Variants in MIA2 observed in about 807,000 individuals in gnomAD.
The protein encoded by MIA2 is melanoma inhibitory activity protein 2.
MIA2 carries 127 observed loss-of-function variants against 167.8 expected under a neutral mutation model. The ratio of observed to expected loss-of-function variants is 0.76; its 90% CI spans 0.66 to 0.88. The LOEUF (loss-of-function observed/expected upper bound fraction) is 0.88, where lower values mean the gene tolerates loss of function less well. Ranked by LOEUF, MIA2 falls within the 40% of genes least tolerant of loss-of-function variation. The pLI is 0.00. For missense variants in MIA2, 1,690 were observed against 1,624.7 expected, an observed-to-expected ratio of 1.04 and a Z score of -0.69; for synonymous variants, 552 against 541.9, an observed-to-expected ratio of 1.02 and a Z score of -0.26.
intron 3 of MIA2, among the ~76,000 whole-genome samples, chr14:39,245,068 G>A (rs1253748728): frequency 2.3e-5 from 2 of 87,494 alleles, no homozygotes; most frequent in South Asian, 3.4e-4. Context: ...ATGGGCCGCC[G>A]CACCTAGCTA....
chr14:39,252,076 T>A (rs200488674), intron 4 of MIA2, among the ~76,000 whole-genome samples: 10,674 of 41,982 alleles, frequency 0.25, 397 homozygotes, highest in African/African-American at 0.46. Flanking sequence ...AAAAGGCACG[T>A]TAGAGAATAG....
At position 39,303,444 on chromosome 14, in the gene MIA2, C is replaced by T. The variant is rs569711645; in HGVS notation, c.2741-34C>T. 3 of 1,556,300 alleles carry T rather than the reference C, an allele frequency of 1.9e-6. No individual in the cohort carries two copies. In the South Asian group the frequency reaches 3.4e-5, roughly 18 times the overall value. On this transcript the variant is annotated intron_variant, in intron 15 of 28. Coordinates refer to ENST00000640607, the MANE Select transcript of MIA2 (RefSeq NM_001329214.4). ...CTATTGTCGTATTGTACTATTTTCC[C>T]AAATCATTGTTGTGCTTTTGATTTT... is the stretch of plus-strand genomic sequence containing the variant.
At chr14:39,367,299 A>G (rs1474863794) in intron 23 of MIA2, among the ~76,000 whole-genome samples, 1 of 152,168 alleles carries the variant, frequency 6.6e-6, no homozygotes, top group Non-Finnish European at 1.5e-5. Flanking sequence ...GCAGGGGAAT[A>G]TCAGTGCAGC....
intron 12 of MIA2, among the ~76,000 whole-genome samples, chr14:39,294,365 G>A (rs571792931): frequency 6.6e-6 from 1 of 151,596 alleles, no homozygotes; most frequent in African/African-American, 2.4e-5. Flanking sequence ...ACCCGGCTAA[G>A]TTTTGTATTT....
intron 14 of MIA2, 38 bp from the exon 15 acceptor site, chr14:39,302,091 A>G (rs370518659): frequency 3.5e-5 from 56 of 1,605,080 alleles, no homozygotes; most frequent in Non-Finnish European, 4.3e-5. Flanking sequence ...AGCATAAGGC[A>G]TTACCCTCTC....
rs556297014 is a variant in MIA2, at chr14:39,279,536, A to T, written c.2129A>T (p.Glu710Val). The change falls in exon 9 of 29, where the codon GAG becomes GTG. Residue 710 changes from glutamate to valine, a missense_variant and splice_region_variant. Physicochemically the swap from Glu to Val is moderately radical, Grantham distance 121 (BLOSUM62 -2). Coordinates refer to ENST00000640607, the MANE Select transcript of MIA2 (RefSeq NM_001329214.4). The part of the protein sequence containing the change: ...LLEKFSLVQK[E>V]YEGYEVESSL... ...GAAAAATTTAGCCTTGTTCAAAAAG[A>T]GGTAAGATATTTTTGAAAATAATAT... is the stretch of plus-strand genomic sequence containing the variant. 6.3e-7 allele frequency: 1 copy of T among 1,581,972 alleles called. No homozygotes were observed. Among genetic ancestry groups the T allele is most frequent in the South Asian group, 1.1e-5 (1 of 87,732 alleles).
chr14:39,341,004 A>G (rs1335272408), intron 25 of MIA2, among the ~76,000 whole-genome samples: 1 of 152,080 alleles, frequency 6.6e-6, no homozygotes, highest in African/African-American at 2.4e-5. Context: ...TTTGGTTTTT[A>G]AAGATGGATA....
intron 18 of MIA2, among the ~76,000 whole-genome samples, chr14:39,311,907 G>T (rs1170011490): frequency 6.7e-6 from 1 of 150,122 alleles, no homozygotes; most frequent in Non-Finnish European, 1.5e-5. Context: ...TCGGCTCACT[G>T]CAACCTCTGC....
rs1555358832 is a variant in MIA2, at chr14:39,277,776, A to ATATATATATATATATATATATATT, written c.2019+716_2019+717insATATATATATATATATATTTATAT. 1.9e-3 allele frequency among the ~76,000 whole-genome samples: 68 copies of ATATATATATATATATATATATATT among 35,754 alleles called. 12 individuals carry two copies. The highest frequency in any genetic ancestry group is 0.022 in the Middle Eastern group (1 of 46). 23.5% of individuals were successfully genotyped at this position (35,754 alleles called of 152,430 possible). ...TATATATATATATATATATATATAT[A>ATATATATATATATATATATATATT]TATATTTATATTTAAAGAGATGGGG... On this transcript the variant is annotated intron_variant, in intron 7 of 28. Coordinates refer to ENST00000640607, the MANE Select transcript of MIA2 (RefSeq NM_001329214.4).
At chr14:39,359,644 C>G (rs2074628230) in intron 23 of MIA2, among the ~76,000 whole-genome samples, 1 of 152,200 alleles carries the variant, frequency 6.6e-6, no homozygotes, top group Non-Finnish European at 1.5e-5. Context: ...CTGCGTCGCT[C>G]ACACTGGGAG....
downstream of MIA2, among the ~76,000 whole-genome samples, chr14:39,351,624 T>C (rs943914384): frequency 6.6e-6 from 1 of 152,106 alleles, no homozygotes; most frequent in East Asian, 1.9e-4. Context: ...TGTGCCCTTA[T>C]AAAAGAGGCT....
chr14:39,243,410 A>T (rs141306130), intron 3 of MIA2, among the ~76,000 whole-genome samples: 34 of 152,350 alleles, frequency 2.2e-4, no homozygotes, highest in Non-Finnish European at 4.0e-4. Context: ...AATCCTCACG[A>T]CACCTCGGTA....
Position 39,251,406 on chromosome 14 carries a change from A to G in MIA2, c.1568-1342A>G, listed in dbSNP as rs116608129. Among the ~76,000 whole-genome samples the G allele has an allele frequency of 7.7e-3, 1,165 of 151,806 alleles. 14 individuals are homozygous for G. The highest frequency in any genetic ancestry group is 0.026 in the African/African-American group (1,062 of 41,154). ...TGATAAAAGCATATCTGTATTTAAT[A>G]TAAATCTTAAAGCTTAGGTTTAAAT... On this transcript the variant is annotated intron_variant, in intron 4 of 28. Coordinates refer to ENST00000640607, the MANE Select transcript of MIA2 (RefSeq NM_001329214.4).
At chr14:39,267,515 T>G (rs1304727570) in intron 6 of MIA2, 1 of 1,613,570 alleles carries the variant, frequency 6.2e-7, no homozygotes, top group South Asian at 1.1e-5. Context: ...CTGGAGGAGC[T>G]ACGCAGGGTG....
chr14:39,335,264 A>T (rs1392739985), intron 25 of MIA2, among the ~76,000 whole-genome samples: 1 of 151,740 alleles, frequency 6.6e-6, no homozygotes, highest in Non-Finnish European at 1.5e-5. Flanking sequence ...TACTTATGTT[A>T]AAAAAATATG....
intron 23 of MIA2, chr14:39,386,309 G>A (rs2075272068): frequency 6.7e-7 from 1 of 1,486,702 alleles, no homozygotes; most frequent in Admixed American, 1.7e-5. Flanking sequence ...CAAAGTGACT[G>A]TGCTGGGACC....
intron 25 of MIA2, among the ~76,000 whole-genome samples, chr14:39,343,614 CTTCCA>C (rs1170521656): frequency 6.6e-6 from 1 of 152,010 alleles, no homozygotes; most frequent in Non-Finnish European, 1.5e-5. Flanking sequence ...ATCTTTTTTT[CTTCCA>C]TTCTTTCTTT....
At chr14:39,266,150 T>C in intron 6 of MIA2, 2 of 985,436 alleles carry the variant, frequency 2.0e-6, no homozygotes, top group Non-Finnish European at 2.4e-6. Context: ...TTGAGTTCTT[T>C]TGGGTGATTT....
chr14:39,288,446 TATATATATATATA>T (rs1566746372), intron 9 of MIA2, among the ~76,000 whole-genome samples: 1,208 of 28,018 alleles, frequency 0.043, 263 homozygotes, highest in Non-Finnish European at 0.051. Context: ...TATATATATA[TATATATATATATA>T]TATATATATA....
Sources: allele counts gnomAD v4.1 joint callset (sites outside exome capture counted in the v4.1 genomes callset), GRCh38; gene constraint gnomAD v4.1.1; transcripts MANE v1.5; gene names NCBI Gene and HGNC (gene_info 2026-07-23, HGNC 2026-07-21).